The following ADAMTSL1 variants were observed in gnomAD, a reference collection of about 807,000 sequenced individuals.
ADAMTSL1 encodes the protein ADAMTS-like protein 1.
ADAMTSL1 carries 126 observed loss-of-function variants against 201.8 expected under a neutral mutation model. The ratio of observed to expected loss-of-function variants is 0.62; its 90% CI spans 0.54 to 0.72. The LOEUF (loss-of-function observed/expected upper bound fraction) is 0.72. ADAMTSL1 is among the 30% of genes least tolerant of loss of function. ADAMTSL1 has a pLI of 0.00. For missense variants in ADAMTSL1, 2,679 were observed against 2,277.8 expected, an observed-to-expected ratio of 1.18 and a Z score of -3.59; for synonymous variants, 1,121 against 903.4, an observed-to-expected ratio of 1.24 and a Z score of -4.32.
chr9:18,525,073 G>T (rs542505007), intron 2 of ADAMTSL1, among the ~76,000 whole-genome samples: 2 of 152,176 alleles, frequency 1.3e-5, no homozygotes, highest in East Asian at 1.9e-4. Flanking sequence ...TCTGGTCCTG[G>T]ACTTTTTTTG....
chr9:18,616,475 T>C (rs1825708280), intron 4 of ADAMTSL1, among the ~76,000 whole-genome samples: 1 of 152,232 alleles, frequency 6.6e-6, no homozygotes, highest in East Asian at 1.9e-4. Flanking sequence ...ACAATTAATG[T>C]GTATCTATTA....
chr9:18,434,088 C>A (rs562084585), intron 2 of ADAMTSL1, among the ~76,000 whole-genome samples: 6 of 152,158 alleles, frequency 3.9e-5, no homozygotes, highest in African/African-American at 7.2e-5. Context: ...TAGATCATAG[C>A]TTCAGCAGCT....
intron 1 of ADAMTSL1, among the ~76,000 whole-genome samples, chr9:18,130,109 T>C (rs1190801934): frequency 2.0e-5 from 3 of 152,130 alleles, no homozygotes; most frequent in African/African-American, 7.2e-5. Context: ...TCCTGTGGAA[T>C]CTTTGAGCCC....
chr9:18,253,423 C>G (rs1209431727), intron 2 of ADAMTSL1, among the ~76,000 whole-genome samples: 1 of 152,192 alleles, frequency 6.6e-6, no homozygotes, highest in African/African-American at 2.4e-5. Context: ...ATAATTCTAA[C>G]TAGTTGTCTA....
chr9:18,349,398 C>T lies in ADAMTSL1; in HGVS notation c.208-155431C>T, dbSNP rs142386966. Among the ~76,000 whole-genome samples, 274 of 152,178 alleles carry T rather than the reference C, an allele frequency of 1.8e-3. 3 individuals carry two copies. In the South Asian group the frequency reaches 0.02, roughly 11 times the overall value. ...TTAAGGAAGTTCAGGTGTCAGATGC[C>T]CTCTTTTCAGGTGTCAGAAGCTCTG... On this transcript the variant is annotated intron_variant, in intron 2 of 29. Transcript: ENST00000680146.
intron 2 of ADAMTSL1, among the ~76,000 whole-genome samples, chr9:18,506,857 A>T (rs189125035): frequency 6.6e-6 from 1 of 152,272 alleles, no homozygotes; most frequent in African/African-American, 2.4e-5. Context: ...TAGGAATTTG[A>T]AGAAGAAAAA....
chr9:18,430,935 G>A (rs972278203), intron 2 of ADAMTSL1, among the ~76,000 whole-genome samples: 4 of 152,126 alleles, frequency 2.6e-5, no homozygotes, highest in African/African-American at 9.7e-5. Flanking sequence ...CATAAAACAG[G>A]CTGAATGGGT....
chr9:18,505,136 T>C (rs1328996316), intron 2 of ADAMTSL1, among the ~76,000 whole-genome samples, 180 bp downstream of exon 2: 1 of 152,254 alleles, frequency 6.6e-6, no homozygotes, highest in Non-Finnish European at 1.5e-5. Flanking sequence ...TTTGTGTTCT[T>C]ACGTCCATCT....
chr9:18,149,777 T>A (rs1326141611), intron 1 of ADAMTSL1, among the ~76,000 whole-genome samples: 1 of 152,038 alleles, frequency 6.6e-6, no homozygotes, highest in African/African-American at 2.4e-5. Flanking sequence ...ACAGAGAGAC[T>A]ATCAAGAAGA....
At position 18,325,388 on chromosome 9, in the gene ADAMTSL1, C is replaced by A. The variant is rs1192430836; in HGVS notation, c.207+161407C>A. 7.2e-5 allele frequency among the ~76,000 whole-genome samples: 11 copies of A among 152,190 alleles called. No homozygotes were observed. The East Asian group carries it at 2.1e-3, about 29-fold the overall frequency. On this transcript the variant is annotated intron_variant, in intron 2 of 29. Coordinates refer to the ADAMTSL1 transcript ENST00000680146. ...GTAACACAGTTGTGATGTATTCATA[C>A]CACACAGTATGACTTAGCAGTCTAA...
At chr9:17,984,081 C>G (rs1818827216) in intron 1 of ADAMTSL1, among the ~76,000 whole-genome samples, 1 of 152,034 alleles carries the variant, frequency 6.6e-6, no homozygotes, top group Non-Finnish European at 1.5e-5. Context: ...TTCCAAGTAG[C>G]CACAGATGGG....
chr9:18,566,168 A>G (rs945027074), intron 3 of ADAMTSL1, among the ~76,000 whole-genome samples: 8 of 152,204 alleles, frequency 5.3e-5, no homozygotes, highest in Non-Finnish European at 1.2e-4. Context: ...AAAGAAAAAA[A>G]TTAGATATTC....
chr9:18,100,561 A>G (rs887789823), intron 1 of ADAMTSL1, among the ~76,000 whole-genome samples: 3 of 152,132 alleles, frequency 2.0e-5, no homozygotes. Context: ...TAGAAGCTTG[A>G]TTTCTGAAAC....
intron 1 of ADAMTSL1, among the ~76,000 whole-genome samples, chr9:18,474,600 G>A (rs1390859216): frequency 6.6e-6 from 1 of 152,016 alleles, no homozygotes; most frequent in Non-Finnish European, 1.5e-5. Context: ...TATATATGGT[G>A]GTGTGTATGC....
chr9:17,998,027 G>A (rs1010221187), intron 1 of ADAMTSL1, among the ~76,000 whole-genome samples: 13 of 151,916 alleles, frequency 8.6e-5, no homozygotes, highest in East Asian at 7.8e-4. Flanking sequence ...ATCACTCTCC[G>A]TTAATAAAAA....
intron 1 of ADAMTSL1, among the ~76,000 whole-genome samples, chr9:18,096,095 T>A (rs776944098): frequency 6.6e-6 from 1 of 152,182 alleles, no homozygotes; most frequent in African/African-American, 2.4e-5. Flanking sequence ...TCCTTTATTA[T>A]ACAACAACAG....
At chr9:18,138,204 T>C (rs556834685) in intron 1 of ADAMTSL1, among the ~76,000 whole-genome samples, 1 of 152,266 alleles carries the variant, frequency 6.6e-6, no homozygotes, top group South Asian at 2.1e-4. Flanking sequence ...TGAGGCAATA[T>C]GTGTTCAAAT....
chr9:18,103,095 C>T (rs773425421), intron 1 of ADAMTSL1, among the ~76,000 whole-genome samples: 3 of 152,060 alleles, frequency 2.0e-5, no homozygotes, highest in Admixed American at 2.0e-4. Context: ...AATGATTTCT[C>T]TATATTCCTG....
intron 13 of ADAMTSL1, among the ~76,000 whole-genome samples, chr9:18,686,219 C>A (rs1408821417): frequency 6.6e-6 from 1 of 152,160 alleles, no homozygotes; most frequent in Admixed American, 6.5e-5. Context: ...CAGCGCCTGG[C>A]CCGGGAAAAC....
Sources: allele counts gnomAD v4.1 joint callset (sites outside exome capture counted in the v4.1 genomes callset), GRCh38; gene constraint gnomAD v4.1.1; transcripts MANE v1.5; gene names NCBI Gene and HGNC (gene_info 2026-07-23, HGNC 2026-07-21).